DCC: variants seen among roughly 807,000 people sequenced by gnomAD.
The protein encoded by DCC is DCC netrin 1 receptor.
DCC carries 58 observed loss-of-function variants against 172.5 expected under a neutral mutation model. That is an observed-to-expected ratio of 0.34 (90% CI 0.27 to 0.42). DCC has a LOEUF of 0.42. Among genes scored for constraint, DCC ranks in the 10% least tolerant of loss-of-function variants. The probability of loss-of-function intolerance (pLI) is 1.00; values close to 1 mark genes in which losing one functional copy is unlikely to be tolerated. For missense variants in DCC, 1,740 were observed against 1,791.0 expected (o/e 0.97, Z 0.51); for synonymous variants, 709 against 644.5 (o/e 1.10, Z -1.52).
intron 1 of DCC, among the ~76,000 whole-genome samples, chr18:52,640,875 C>G (rs1341619672): frequency 6.6e-6 from 1 of 152,048 alleles, no homozygotes; most frequent in Non-Finnish European, 1.5e-5. Context: ...TTCTAAAATT[C>G]ATATGGAACC....
intron 8 of DCC, among the ~76,000 whole-genome samples, chr18:53,170,744 A>G (rs991942214): frequency 4.6e-5 from 7 of 152,208 alleles, no homozygotes; most frequent in Admixed American, 1.3e-4. Context: ...CAAAATTTTT[A>G]TAGCACATAT....
intron 5 of DCC, among the ~76,000 whole-genome samples, chr18:52,928,234 G>A (rs1383862578): frequency 6.6e-6 from 1 of 152,034 alleles, no homozygotes; most frequent in Admixed American, 6.6e-5. Context: ...GATGCAAAGT[G>A]TGTCCTTAGG....
chr18:52,500,416 A>G (rs1199121674), intron 1 of DCC, among the ~76,000 whole-genome samples: 1 of 152,168 alleles, frequency 6.6e-6, no homozygotes, highest in East Asian at 1.9e-4. Flanking sequence ...CTCTGGACTT[A>G]TCATGTGTGG....
At chr18:53,451,810 C>T (rs761216531) in intron 23 of DCC, among the ~76,000 whole-genome samples, 8 of 151,620 alleles carry the variant, frequency 5.3e-5, no homozygotes, top group Non-Finnish European at 1.2e-4. Context: ...CCTTCCAGCA[C>T]TCTGAAGTGA....
intron 14 of DCC, among the ~76,000 whole-genome samples, chr18:53,328,346 A>G (rs1296189988): frequency 2.6e-5 from 4 of 152,140 alleles, no homozygotes; most frequent in Non-Finnish European, 5.9e-5. Flanking sequence ...TTCTTGGGCA[A>G]ATAACTTTCC....
Position 52,947,008 on chromosome 18 carries a change from C to T in DCC, c.985+21638C>T, listed in dbSNP as rs138028788. Among the ~76,000 whole-genome samples, 759 of 152,250 alleles carry T rather than the reference C, an allele frequency of 5.0e-3. 6 individuals carry two copies. Among genetic ancestry groups the T allele is most frequent in the African/African-American group, 0.018 (728 of 41,556 alleles). Reference sequence around the variant, plus strand: ...TGCATGGCTCACCTACTCACCTCACCTGCTTCATTGCCCTGTTGGGTCTTA... The same window carrying T: ...TGCATGGCTCACCTACTCACCTCACTTGCTTCATTGCCCTGTTGGGTCTTA... On this transcript the variant is annotated intron_variant, in intron 5 of 28. Coordinates refer to ENST00000442544, the MANE Select transcript of DCC (RefSeq NM_005215.4).
At chr18:52,493,007 G>A (rs2030581899) in intron 1 of DCC, among the ~76,000 whole-genome samples, 2 of 152,090 alleles carry the variant, frequency 1.3e-5, no homozygotes, top group South Asian at 2.1e-4. Context: ...GGCAATTGCA[G>A]AGCATGCAGA....
At chr18:53,163,944 T>C (rs1444312270) in intron 8 of DCC, among the ~76,000 whole-genome samples, 1 of 152,184 alleles carries the variant, frequency 6.6e-6, no homozygotes, top group African/African-American at 2.4e-5. Flanking sequence ...CTAAGCATCT[T>C]ACATAAAGTA....
chr18:53,087,775 T>C (rs1397701114), intron 7 of DCC, among the ~76,000 whole-genome samples: 2 of 152,220 alleles, frequency 1.3e-5, no homozygotes, highest in Non-Finnish European at 2.9e-5. Context: ...GAATTAATTT[T>C]TATATAAGGT....
intron 26 of DCC, among the ~76,000 whole-genome samples, chr18:53,498,404 A>C (rs555106367): frequency 5.8e-4 from 88 of 152,322 alleles, no homozygotes; most frequent in Admixed American, 1.0e-3. Context: ...AAAATATTTT[A>C]TTAATACTTA....
intron 14 of DCC, among the ~76,000 whole-genome samples, chr18:53,331,355 C>T (rs544372259): frequency 2.0e-5 from 3 of 152,262 alleles, no homozygotes; most frequent in East Asian, 1.9e-4. Context: ...CCTCCCCATA[C>T]AGAATAAGGT....
In DCC at chr18:53,397,430, C is replaced by T; in HGVS notation, c.2811C>T (p.Ala937=). The T allele has an allele frequency of 6.2e-7, 1 of 1,613,940 alleles. No homozygotes were observed. The highest frequency in any genetic ancestry group is 1.1e-5 in the South Asian group (1 of 91,064). The change falls in exon 18 of 29, where the codon GCC becomes GCT. Residue 937 remains alanine (A), a synonymous_variant. Coordinates refer to ENST00000442544, the MANE Select transcript of DCC (RefSeq NM_005215.4). Reference sequence around the variant, plus strand: ...GTACTTGGAGCATGACTGCACATGCCACCACGTATGAAGCAGGTATGTGAG... The same window carrying T: ...GTACTTGGAGCATGACTGCACATGCTACCACGTATGAAGCAGGTATGTGAG... The part of the protein sequence containing the change: ...RSSTWSMTAH[A]TTYEAAPTSA...
At chr18:52,584,522 T>A (rs1438092521) in intron 1 of DCC, among the ~76,000 whole-genome samples, 4 of 152,184 alleles carry the variant, frequency 2.6e-5, no homozygotes, top group Non-Finnish European at 5.9e-5. Context: ...AAAGGTAGCA[T>A]AGTGCAGTGG....
chr18:53,073,193 AT>A (rs1205405793), intron 7 of DCC, among the ~76,000 whole-genome samples: 1 of 152,138 alleles, frequency 6.6e-6, no homozygotes, highest in Non-Finnish European at 1.5e-5. Context: ...ACTTTAAAAA[AT>A]AATCACGTTT....
rs1180926333 is a variant in DCC at position 52,464,756 on chromosome 18, G to GT, written c.91+123888dup. On this transcript the variant is annotated intron_variant, in intron 1 of 28. Coordinates refer to ENST00000442544, the MANE Select transcript of DCC (RefSeq NM_005215.4). ...TGGTACTACCTGTTTTGTTTTGTTG[G>GT]TTTTTTTTTTCTCCCCATGGGAAAT... 3.2e-3 allele frequency among the ~76,000 whole-genome samples: 473 copies of GT among 148,038 alleles called. 5 individuals carry two copies. Among genetic ancestry groups the GT allele is most frequent in the African/African-American group, 9.8e-3 (397 of 40,420 alleles).
At chr18:52,444,807 C>CAG (rs1190247996) in intron 1 of DCC, among the ~76,000 whole-genome samples, 7 of 151,534 alleles carry the variant, frequency 4.6e-5, no homozygotes, top group South Asian at 4.2e-4. Context: ...GCAGAGTGAC[C>CAG]AGAGAGAGAG....
At chr18:53,122,039 G>A (rs918547592) in intron 7 of DCC, among the ~76,000 whole-genome samples, 4 of 151,950 alleles carry the variant, frequency 2.6e-5, no homozygotes, top group African/African-American at 9.7e-5. Context: ...TTGTATTTTG[G>A]AAGTTATAAG....
chr18:52,758,432 A>T (rs2037109766), intron 2 of DCC, among the ~76,000 whole-genome samples: 1 of 152,196 alleles, frequency 6.6e-6, no homozygotes, highest in South Asian at 2.1e-4. Context: ...ATAGATGTTC[A>T]AGATGCAAAT....
chr18:52,955,383 C>T (rs1598967294), intron 5 of DCC, among the ~76,000 whole-genome samples: 1 of 148,900 alleles, frequency 6.7e-6, no homozygotes, highest in South Asian at 2.1e-4. Flanking sequence ...TTTAGTAGAC[C>T]TTTTTTTTTT....
Sources: gnomAD v4.1 joint callset for allele counts (sites outside exome capture counted in the v4.1 genomes callset) on GRCh38, gnomAD v4.1.1 for gene constraint, MANE v1.5 for transcripts, NCBI Gene and HGNC (gene_info 2026-07-23, HGNC 2026-07-21) for gene names.